Variants in SSBP2 observed in about 807,000 individuals in gnomAD.
SSBP2 encodes single-stranded DNA-binding protein 2.
Under a neutral mutation model 61.8 loss-of-function variants are expected in SSBP2, and 17 were observed. The ratio of observed to expected loss-of-function variants is 0.28; its 90% CI spans 0.19 to 0.41. SSBP2 has a LOEUF of 0.41. SSBP2 is among the 10% of genes least tolerant of loss of function. The pLI, the probability that SSBP2 is intolerant of heterozygous loss-of-function variation, is 1.00. For missense variants in SSBP2, 310 were observed against 458.7 expected (o/e 0.68, Z 2.96); for synonymous variants, 139 against 141.3 (o/e 0.98, Z 0.12).
intron 1 of SSBP2, among the ~76,000 whole-genome samples, chr5:81,692,009 G>A (rs990456263): frequency 6.6e-6 from 1 of 152,126 alleles, no homozygotes; most frequent in Non-Finnish European, 1.5e-5. Context: ...GTTCCAGCTA[G>A]AGCAATCAGA....
intron 1 of SSBP2, among the ~76,000 whole-genome samples, chr5:81,715,175 G>A (rs1755092715): frequency 6.6e-6 from 1 of 152,078 alleles, no homozygotes; most frequent in Non-Finnish European, 1.5e-5. Flanking sequence ...GAGACAGGGG[G>A]AGAGACAAAA....
At chr5:81,613,563 G>C (rs1372968065) in intron 4 of SSBP2, among the ~76,000 whole-genome samples, 1 of 152,204 alleles carries the variant, frequency 6.6e-6, no homozygotes, top group Non-Finnish European at 1.5e-5. Context: ...ATGTTGAACA[G>C]TAGGGTACAT....
At chr5:81,681,411 T>C (rs1372348081) in intron 1 of SSBP2, among the ~76,000 whole-genome samples, 2 of 151,362 alleles carry the variant, frequency 1.3e-5, no homozygotes, top group Non-Finnish European at 2.9e-5. Flanking sequence ...TCTCAGCTAG[T>C]TGGGAGGCTG....
chr5:81,485,813 A>G (rs1028513215), intron 6 of SSBP2, among the ~76,000 whole-genome samples: 18 of 152,170 alleles, frequency 1.2e-4, no homozygotes, highest in South Asian at 6.2e-4. Flanking sequence ...GCCTGGACAC[A>G]TTTGTGTTTT....
At chr5:81,616,791 AC>A (rs1220615562) in intron 3 of SSBP2, among the ~76,000 whole-genome samples, 2 of 151,524 alleles carry the variant, frequency 1.3e-5, no homozygotes, top group African/African-American at 4.9e-5. Context: ...TGGGTCCCTG[AC>A]CCCTGTGCCC....
chr5:81,669,060 C>A (rs976278749), intron 1 of SSBP2, among the ~76,000 whole-genome samples: 2 of 152,028 alleles, frequency 1.3e-5, no homozygotes, highest in African/African-American at 4.8e-5. Flanking sequence ...ATGGAAGTAG[C>A]CTGTATGTTC....
At chr5:81,694,016 T>C (rs972419743) in intron 1 of SSBP2, among the ~76,000 whole-genome samples, 1 of 152,190 alleles carries the variant, frequency 6.6e-6, no homozygotes, top group Non-Finnish European at 1.5e-5. Context: ...TGAGATCCTG[T>C]CATTTCAACA....
chr5:81,514,025 T>C (rs1768818587), intron 4 of SSBP2, among the ~76,000 whole-genome samples: 1 of 152,162 alleles, frequency 6.6e-6, no homozygotes, highest in African/African-American at 2.4e-5. Flanking sequence ...AAATGCTTTA[T>C]TTTAAGGCAC....
chr5:81,625,461 A>T (rs1319668078), intron 3 of SSBP2, among the ~76,000 whole-genome samples: 3 of 152,160 alleles, frequency 2.0e-5, no homozygotes, highest in African/African-American at 7.2e-5. Flanking sequence ...TAATGGGTTC[A>T]TCATCATGAA....
intron 5 of SSBP2, among the ~76,000 whole-genome samples, chr5:81,503,268 C>T (rs920284684): frequency 6.6e-6 from 1 of 152,124 alleles, no homozygotes; most frequent in Admixed American, 6.5e-5. Context: ...ACCTGGCCAA[C>T]ACAGTGAAAC....
chr5:81,588,129 C>G (rs993079782), intron 4 of SSBP2, among the ~76,000 whole-genome samples: 23 of 152,034 alleles, frequency 1.5e-4, no homozygotes, highest in African/African-American at 4.8e-4. Flanking sequence ...CCATGCCTAG[C>G]TAATTTTAAA....
intron 1 of SSBP2, among the ~76,000 whole-genome samples, chr5:81,652,090 TG>T (rs1267693535): frequency 1.3e-5 from 2 of 152,100 alleles, no homozygotes; most frequent in Non-Finnish European, 2.9e-5. Flanking sequence ...ACAATAAAGC[TG>T]GTCCACCAAG....
intron 1 of SSBP2, among the ~76,000 whole-genome samples, chr5:81,674,820 A>G (rs1751833632): frequency 6.6e-6 from 1 of 152,220 alleles, no homozygotes; most frequent in Non-Finnish European, 1.5e-5. Context: ...AAACCAGACT[A>G]CTATGCCACT....
At chr5:81,607,206 T>G (rs1744966601) in intron 4 of SSBP2, among the ~76,000 whole-genome samples, 1 of 151,946 alleles carries the variant, frequency 6.6e-6, no homozygotes. Flanking sequence ...ATGGCAAAAA[T>G]AGGATAATGA....
chr5:81,708,295 A>T (rs1240207956), intron 1 of SSBP2, among the ~76,000 whole-genome samples: 2 of 152,180 alleles, frequency 1.3e-5, no homozygotes, highest in Admixed American at 6.5e-5. Flanking sequence ...AGTTATGCAT[A>T]TAGTACAATA....
chr5:81,749,428 T>G (rs1757568928), intron 1 of SSBP2, among the ~76,000 whole-genome samples: 1 of 152,158 alleles, frequency 6.6e-6, no homozygotes, highest in Non-Finnish European at 1.5e-5. Flanking sequence ...CACACAAAAC[T>G]TTCAGGGGGA....
Position 81,417,613 on chromosome 5 carries a change from T to C in SSBP2, c.*2891A>G, listed in dbSNP as rs1761364809. ...GAAAACACAAGAGAAAAACATTAAA[T>C]AGTCTTATTACAAGAAAAAAGGATA... is the stretch of plus-strand genomic sequence containing the variant. On this transcript the variant is annotated 3_prime_UTR_variant, in exon 17 of 17. Transcript: ENST00000320672. 1 of 152,274 alleles carries C rather than the reference T, an allele frequency of 6.6e-6. No individual in the cohort carries two copies. Among genetic ancestry groups the C allele is most frequent in the Non-Finnish European group, 1.5e-5 (1 of 68,012 alleles). The allele number at this position is 152,274 out of a possible 1,614,324, so 9.4% of individuals were successfully genotyped here. A position where few individuals can be genotyped will look rare whatever the true frequency, so the allele number is the denominator to read the frequency against.
chr5:81,508,179 A>C (rs1162455852), intron 5 of SSBP2, among the ~76,000 whole-genome samples: 1 of 152,142 alleles, frequency 6.6e-6, no homozygotes, highest in Non-Finnish European at 1.5e-5. Context: ...CACCATACCA[A>C]GATACTGTAC....
chr5:81,562,414 G>A (rs542653399), intron 4 of SSBP2, among the ~76,000 whole-genome samples: 4 of 152,182 alleles, frequency 2.6e-5, no homozygotes, highest in African/African-American at 9.6e-5. Flanking sequence ...CTATGCAAGA[G>A]TACTGCACTT....
Sources: gnomAD v4.1 joint callset for allele counts (sites outside exome capture counted in the v4.1 genomes callset) on GRCh38, gnomAD v4.1.1 for gene constraint, MANE v1.5 for transcripts, NCBI Gene and HGNC (gene_info 2026-07-23, HGNC 2026-07-21) for gene names.